The following C19orf81 variants were observed in gnomAD, a reference collection of about 807,000 sequenced individuals.
C19orf81 encodes the protein putative uncharacterized protein C19orf81.
A neutral mutation model predicts 22.1 loss-of-function variants in C19orf81; 19 were observed. The ratio of observed to expected loss-of-function variants is 0.86; its 90% CI spans 0.60 to 1.26. C19orf81 has a LOEUF of 1.26. Ranked by LOEUF, C19orf81 falls within the 50% of genes most tolerant of loss-of-function variation. The pLI is 0.00. For missense variants in C19orf81, 287 were observed against 280.7 expected, an observed-to-expected ratio of 1.02 and a Z score of -0.16; for synonymous variants, 108 against 113.1, an observed-to-expected ratio of 0.95 and a Z score of 0.29.
At chr19:50,649,727 T>G (rs1243223656) in intron 1 of C19orf81, 5 of 668,796 alleles carry the variant, frequency 7.5e-6, no homozygotes, top group Non-Finnish European at 1.4e-5. Context: ...GCCAATGCCC[T>G]GGACTCAGAA....
chr19:50,656,179 A>C, intron 2 of C19orf81, 47 bp from the exon 3 acceptor site: 1 of 1,536,134 alleles, frequency 6.5e-7, no homozygotes, highest in Non-Finnish European at 8.7e-7. Context: ...ATGTGATGGC[A>C]GTGAACCCTG....
intron 1 of C19orf81, chr19:50,649,801 A>G: frequency 1.8e-6 from 1 of 543,460 alleles, no homozygotes; most frequent in Non-Finnish European, 3.5e-6. Context: ...CTCCTAGGTA[A>G]CCTCACTGTC....
intron 1 of C19orf81, among the ~76,000 whole-genome samples, chr19:50,652,817 G>A (rs1440729032): frequency 6.6e-6 from 1 of 152,140 alleles, no homozygotes; most frequent in Non-Finnish European, 1.5e-5. Flanking sequence ...AGAGGAGTTA[G>A]GAGACCAGGT....
At position 50,659,064 on chromosome 19, in the gene C19orf81, C is replaced by T. The variant is rs1286565723; in HGVS notation, c.519C>T (p.Tyr173=). ...VRHDDLLLGD[Y]RLHLRRSLVR... ...ACGACGACCTCCTGCTGGGCGACTA[C>T]CGCCTGCACCTGCGCCGCTCCCTGG... Residue 173 remains tyrosine (Y), a synonymous_variant, in exon 5 of 5, where the codon TAC becomes TAT. Coordinates refer to ENST00000425202, the MANE Select transcript of C19orf81 (RefSeq NM_001195076.2). 9.2e-6 allele frequency: 14 copies of T among 1,527,640 alleles called. No homozygotes were observed. The highest frequency in any genetic ancestry group is 1.2e-5 in the South Asian group (1 of 82,846). The allele number at this position is 1,527,640 out of a possible 1,614,324, so 94.6% of individuals were successfully genotyped here.
intron 4 of C19orf81, 39 bp from the exon 5 acceptor site, chr19:50,658,908 G>T: frequency 7.2e-7 from 1 of 1,398,406 alleles, no homozygotes; most frequent in South Asian, 1.5e-5. Context: ...GGGCTGAAAC[G>T]ACCTGCGAGT....
At chr19:50,653,210 T>C (rs1984915862) in intron 1 of C19orf81, among the ~76,000 whole-genome samples, 1 of 152,026 alleles carries the variant, frequency 6.6e-6, no homozygotes, top group Non-Finnish European at 1.5e-5. Context: ...CCTAATTTTT[T>C]GTATTTTTAG....
In C19orf81 at chr19:50,649,529, T is replaced by TG; in HGVS notation, c.67+23dup. 6.5e-7 allele frequency: 1 copy of TG among 1,536,036 alleles called. No homozygotes were observed. Among genetic ancestry groups the TG allele is most frequent in the Middle Eastern group, 1.7e-4 (1 of 5,990 alleles). Reference sequence around the variant, plus strand: ...GAAGGCAGGTACTGAGCTGTGTCTTTGGGGGAAGGGGTGGACTTCCTCCAT... The same window carrying TG: ...GAAGGCAGGTACTGAGCTGTGTCTTTGGGGGGAAGGGGTGGACTTCCTCCAT... On this transcript the variant is annotated intron_variant, in intron 1 of 4. Transcript: ENST00000425202.
chr19:50,658,361 G>T (rs1985049281), intron 4 of C19orf81: 2 of 449,576 alleles, frequency 4.4e-6, no homozygotes, highest in Non-Finnish European at 7.8e-6. Flanking sequence ...TTGTGAGGCG[G>T]GGCGACAGTG....
intron 3 of C19orf81, 118 bp downstream of exon 3, chr19:50,656,464 G>T (rs1021931293): frequency 3.7e-6 from 5 of 1,346,032 alleles, no homozygotes; most frequent in Admixed American, 5.5e-5. Context: ...TAAGCTGTGG[G>T]CTTGCCACCA....
rs571994021 is a variant in C19orf81 at position 50,656,362 on chromosome 19, C to A, written c.261+16C>A. The stretch of plus-strand genomic sequence containing the variant: ...GGAGACCTTGGTGAGTGGACCTGTG[C>A]CCTTATTTTCTGCACAGTTTTGGTG... On this transcript the variant is annotated intron_variant, in intron 3 of 4. Transcript: ENST00000425202. The A allele has an allele frequency of 3.9e-6, 6 of 1,527,784 alleles. No homozygotes were observed. The African/African-American group carries it at 6.8e-5, about 17-fold the overall frequency. 94.6% of individuals were successfully genotyped at this position (1,527,784 alleles called of 1,614,324 possible).
At chr19:50,656,993 A>AAGGAAGGG (rs1985010189) in intron 3 of C19orf81, among the ~76,000 whole-genome samples, 1 of 127,170 alleles carries the variant, frequency 7.9e-6, no homozygotes, top group Admixed American at 7.6e-5. Context: ...GGAAGGAAGG[A>AAGGAAGGG]AGGGAGGGAG....
intron 1 of C19orf81, among the ~76,000 whole-genome samples, chr19:50,651,947 T>C (rs992533880): frequency 2.6e-5 from 4 of 152,218 alleles, no homozygotes; most frequent in Non-Finnish European, 5.9e-5. Flanking sequence ...AGAGTTACTT[T>C]TTGATTCATT....
intron 1 of C19orf81, among the ~76,000 whole-genome samples, chr19:50,651,129 C>T (rs373735392): frequency 2.0e-5 from 3 of 152,192 alleles, no homozygotes; most frequent in Admixed American, 1.3e-4. Flanking sequence ...ATGGATGAAA[C>T]GGCCTGGCTT....
At chr19:50,654,988 G>C (rs1984962372) in intron 1 of C19orf81, among the ~76,000 whole-genome samples, 1 of 152,128 alleles carries the variant, frequency 6.6e-6, no homozygotes, top group Non-Finnish European at 1.5e-5. Context: ...TGGAGGCTGG[G>C]TTATTGCTAA....
At chr19:50,655,919 G>C in intron 1 of C19orf81, 131 bp from the exon 2 acceptor site, 1 of 859,310 alleles carries the variant, frequency 1.2e-6, no homozygotes, top group Non-Finnish European at 1.8e-6. Flanking sequence ...GGAGCTAAGA[G>C]ACAGTAACTC....
Position 50,659,233 on chromosome 19 carries a change from C to A in C19orf81, c.*91C>A, listed in dbSNP as rs1198071057. On this transcript the variant is annotated 3_prime_UTR_variant, in exon 5 of 5. Coordinates refer to ENST00000425202, the MANE Select transcript of C19orf81 (RefSeq NM_001195076.2). ...CCGGAGGACAGGGGGCGTTGCCTTC[C>A]CAGGAAGGAGGCGGGGCCGGCTCGA... 6 of 1,124,930 alleles carry A rather than the reference C, an allele frequency of 5.3e-6. No homozygotes were observed. Among genetic ancestry groups the A allele is most frequent in the Non-Finnish European group, 6.8e-6 (6 of 882,824 alleles). 69.7% of individuals were successfully genotyped at this position (1,124,930 alleles called of 1,614,324 possible).
intron 1 of C19orf81, among the ~76,000 whole-genome samples, chr19:50,653,156 G>C (rs988153534): frequency 3.9e-5 from 6 of 152,088 alleles, no homozygotes; most frequent in Non-Finnish European, 7.4e-5. Flanking sequence ...TCCTGCCTCA[G>C]CCTCCGGAGT....
At chr19:50,650,171 T>C (rs35543193) in intron 1 of C19orf81, among the ~76,000 whole-genome samples, 60,308 of 151,638 alleles carry the variant, frequency 0.4, 12,713 homozygotes, top group African/African-American at 0.55. Context: ...ACTTCCTAGC[T>C]TCCTGTCACC....
chr19:50,650,596 A>G (rs543022340), intron 1 of C19orf81, among the ~76,000 whole-genome samples: 482 of 152,248 alleles, frequency 3.2e-3, no homozygotes, highest in Non-Finnish European at 4.2e-3. Context: ...GCTTGAACCC[A>G]GGAGGCAGAG....
Sources: allele counts gnomAD v4.1 joint callset (sites outside exome capture counted in the v4.1 genomes callset), GRCh38; gene constraint gnomAD v4.1.1; transcripts MANE v1.5; gene names NCBI Gene and HGNC (gene_info 2026-07-23, HGNC 2026-07-21).